DGKH: variants seen among roughly 807,000 people sequenced by gnomAD.
The protein encoded by DGKH is diacylglycerol kinase eta, also known as DAG kinase eta.
DGKH carries 90 observed loss-of-function variants against 159.3 expected under a neutral mutation model. The observed-to-expected ratio is 0.57, with a 90% CI of 0.48 to 0.67. The LOEUF is 0.67. DGKH is among the 30% of genes least tolerant of loss of function. DGKH has a pLI of 0.00. For missense variants in DGKH, 1,181 were observed against 1,506.1 expected (o/e 0.78, Z 3.57); for synonymous variants, 536 against 553.8 (o/e 0.97, Z 0.45).
intron 1 of DGKH, among the ~76,000 whole-genome samples, chr13:42,072,064 C>A (rs1208070543): frequency 2.0e-5 from 3 of 152,168 alleles, no homozygotes; most frequent in African/African-American, 7.2e-5. Context: ...CTGTATTTTG[C>A]TCCTATGAGT....
chr13:42,118,735 G>A (rs1040181431), intron 1 of DGKH, among the ~76,000 whole-genome samples: 12 of 152,208 alleles, frequency 7.9e-5, no homozygotes, highest in African/African-American at 2.9e-4. Flanking sequence ...GGAGGGGTAG[G>A]CCACGCATTT....
chr13:42,058,646 CTG>C (rs1465013987), intron 1 of DGKH, among the ~76,000 whole-genome samples: 6 of 152,198 alleles, frequency 3.9e-5, no homozygotes. Flanking sequence ...CCACTGATAA[CTG>C]TGTTTTTCTA....
At chr13:42,154,541 G>T (rs1594107088) in intron 3 of DGKH, among the ~76,000 whole-genome samples, 1 of 152,112 alleles carries the variant, frequency 6.6e-6, no homozygotes, top group African/African-American at 2.4e-5. Flanking sequence ...CATGAGAAAA[G>T]ATAAAAGTCG....
At chr13:42,226,065 A>G (rs1377026852) in intron 29 of DGKH, among the ~76,000 whole-genome samples, 1 of 152,164 alleles carries the variant, frequency 6.6e-6, no homozygotes, top group Non-Finnish European at 1.5e-5. Flanking sequence ...ACAAAGGTCT[A>G]ATATCCAGAA....
chr13:42,087,922 C>G (rs1487229496), intron 1 of DGKH, among the ~76,000 whole-genome samples: 5 of 152,098 alleles, frequency 3.3e-5, no homozygotes, highest in Admixed American at 6.6e-5. Flanking sequence ...GAAGCTCCAT[C>G]AGCTTCAATC....
intron 16 of DGKH, among the ~76,000 whole-genome samples, chr13:42,194,050 G>A (rs962058287): frequency 2.0e-5 from 3 of 152,304 alleles, no homozygotes; most frequent in Non-Finnish European, 2.9e-5. Flanking sequence ...TGATAGAACT[G>A]TTTGGGCAAA....
exon 31 of DGKH, chr13:42,256,367 G>C: frequency 6.3e-7 from 1 of 1,586,748 alleles, no homozygotes; most frequent in Non-Finnish European, 8.7e-7. Context: ...TCAAATGTTG[G>C]TGACAGCTCT....
chr13:42,223,661 T>C (rs1434152714), intron 29 of DGKH, among the ~76,000 whole-genome samples: 2 of 151,952 alleles, frequency 1.3e-5, no homozygotes, highest in African/African-American at 4.8e-5. Flanking sequence ...CTCAGGAGGC[T>C]GAGGCAGGCG....
chr13:42,210,829 T>C (rs1957639031), intron 24 of DGKH, 64 bp downstream of exon 24: 2 of 1,467,792 alleles, frequency 1.4e-6, no homozygotes, highest in South Asian at 2.6e-5. Context: ...TTTGTTTTTT[T>C]AATCTTAATA....
rs1434811844 is a variant in DGKH, at chr13:42,238,868, A to G, written c.*9680A>G. ...GACATTTGAATTCTGTCACTATCTG[A>G]TTCTTGACCTAAAGGTTTCTTTGCT... On this transcript the variant is annotated 3_prime_UTR_variant, in exon 30 of 30. Coordinates refer to ENST00000337343, the MANE Select transcript of DGKH (RefSeq NM_178009.5). The G allele has an allele frequency of 6.6e-6, 1 of 152,080 alleles. No individual in the cohort carries two copies. The highest frequency in any genetic ancestry group is 1.5e-5 in the Non-Finnish European group (1 of 67,996). 9.4% of individuals were successfully genotyped at this position (152,080 alleles called of 1,614,324 possible). A position where few individuals can be genotyped will look rare whatever the true frequency, so the allele number is the denominator to read the frequency against.
At chr13:42,221,994 G>A (rs1362516918) in intron 29 of DGKH, among the ~76,000 whole-genome samples, 5 of 151,984 alleles carry the variant, frequency 3.3e-5, no homozygotes, top group African/African-American at 1.2e-4. Context: ...TTTAGTAAAC[G>A]AGGTAAAAAT....
chr13:42,225,229 G>GT, intron 29 of DGKH: 1 of 1,533,692 alleles, frequency 6.5e-7, no homozygotes, highest in Non-Finnish European at 8.8e-7. Context: ...AGCCAGGAAA[G>GT]TATTTCCAAT....
intron 12 of DGKH, 64 bp downstream of exon 12, chr13:42,174,208 AAG>A: frequency 3.0e-6 from 4 of 1,325,180 alleles, no homozygotes; most frequent in East Asian, 2.3e-5. Context: ...AAAAAAAAGA[AAG>A]AGAGAGAAAA....
At chr13:42,198,436 T>A (rs767308452) in intron 17 of DGKH, 42 bp from the exon 18 acceptor site, 1 of 1,568,584 alleles carries the variant, frequency 6.4e-7, no homozygotes, top group South Asian at 1.1e-5. Flanking sequence ...TCTGTGTTTT[T>A]TCTTAACATG....
At chr13:42,255,103 A>G (rs1594275871) in intron 30 of DGKH, among the ~76,000 whole-genome samples, 2 of 151,696 alleles carry the variant, frequency 1.3e-5, no homozygotes, top group East Asian at 3.9e-4. Flanking sequence ...ATTTAATATT[A>G]TATAATGGCA....
At chr13:42,111,789 C>T (rs957175951) in intron 1 of DGKH, among the ~76,000 whole-genome samples, 1 of 152,156 alleles carries the variant, frequency 6.6e-6, no homozygotes, top group South Asian at 2.1e-4. Context: ...AATTAGGTCT[C>T]GCGGGGCAGA....
intron 1 of DGKH, among the ~76,000 whole-genome samples, chr13:42,113,872 A>G (rs2137808260): frequency 6.6e-6 from 1 of 152,300 alleles, no homozygotes; most frequent in South Asian, 2.1e-4. Context: ...TATATTGAAT[A>G]TATTGTGGTG....
intron 29 of DGKH, among the ~76,000 whole-genome samples, chr13:42,223,333 C>A (rs1468561174): frequency 4.6e-5 from 7 of 152,194 alleles, no homozygotes; most frequent in Admixed American, 4.6e-4. Flanking sequence ...CAGGTTCTCT[C>A]TCAGCCCTGC....
intron 24 of DGKH, among the ~76,000 whole-genome samples, chr13:42,212,782 G>T (rs1957689504): frequency 6.6e-6 from 1 of 152,198 alleles, no homozygotes; most frequent in African/African-American, 2.4e-5. Context: ...TAGTAGGAGG[G>T]AGAAATGTGG....
Sources: allele counts gnomAD v4.1 joint callset (sites outside exome capture counted in the v4.1 genomes callset), GRCh38; gene constraint gnomAD v4.1.1; transcripts MANE v1.5; gene names NCBI Gene and HGNC (gene_info 2026-07-23, HGNC 2026-07-21).